Variants in PAPPA2 observed in about 807,000 individuals in gnomAD.
PAPPA2 encodes the protein pappalysin 2, also known as pappalysin-2.
Under a neutral mutation model 176.4 loss-of-function variants are expected in PAPPA2, and 86 were observed. The ratio of observed to expected loss-of-function variants is 0.49; its 90% CI spans 0.41 to 0.58. The LOEUF (loss-of-function observed/expected upper bound fraction) is 0.58. PAPPA2 is among the 20% of genes least tolerant of loss of function. The pLI, the probability that PAPPA2 is intolerant of heterozygous loss-of-function variation, is 0.00. For synonymous variants in PAPPA2, 809 were observed against 852.2 expected (o/e 0.95, Z 0.88); for missense variants, 2,073 against 2,256.9 (o/e 0.92, Z 1.65).
chr1:176,635,691 C>CT (rs1212986588), intron 3 of PAPPA2, among the ~76,000 whole-genome samples: 25 of 152,008 alleles, frequency 1.6e-4, no homozygotes, highest in Non-Finnish European at 3.4e-4. Context: ...TGGATTTGTT[C>CT]TTCTTTTATT....
intron 4 of PAPPA2, among the ~76,000 whole-genome samples, chr1:176,680,732 AG>A (rs1345619350): frequency 6.6e-6 from 1 of 152,220 alleles, no homozygotes; most frequent in Non-Finnish European, 1.5e-5. Flanking sequence ...GTTAATCACT[AG>A]TAAAAACAAA....
intron 1 of PAPPA2, among the ~76,000 whole-genome samples, chr1:176,492,037 T>G (rs1020520371): frequency 6.6e-6 from 1 of 152,210 alleles, no homozygotes; most frequent in Non-Finnish European, 1.5e-5. Context: ...ACATCAAGCA[T>G]GGAATCCTGT....
intron 1 of PAPPA2, among the ~76,000 whole-genome samples, chr1:176,476,181 C>G (rs1652114000): frequency 6.6e-6 from 1 of 152,124 alleles, no homozygotes; most frequent in Non-Finnish European, 1.5e-5. Flanking sequence ...CAAGAAAGCC[C>G]CTGTCTCTCT....
At chr1:176,572,360 C>T (rs1189582330) in intron 2 of PAPPA2, among the ~76,000 whole-genome samples, 2 of 152,190 alleles carry the variant, frequency 1.3e-5, no homozygotes, top group African/African-American at 4.8e-5. Context: ...GAGGTTGACC[C>T]AGAGGTCAGC....
At chr1:176,631,101 G>C (rs1283439312) in intron 3 of PAPPA2, among the ~76,000 whole-genome samples, 2 of 152,294 alleles carry the variant, frequency 1.3e-5, no homozygotes, top group Non-Finnish European at 2.9e-5. Flanking sequence ...GTGGAAGAAA[G>C]CTGGGAGGCT....
intron 14 of PAPPA2, among the ~76,000 whole-genome samples, chr1:176,757,227 TG>T (rs1165286965): frequency 1.3e-5 from 2 of 152,208 alleles, no homozygotes; most frequent in Admixed American, 1.3e-4. Context: ...TACTCAGTAG[TG>T]GGATTGCTGG....
At chr1:176,625,279 G>A (rs192966875) in intron 3 of PAPPA2, among the ~76,000 whole-genome samples, 1 of 152,296 alleles carries the variant, frequency 6.6e-6, no homozygotes, top group East Asian at 1.9e-4. Flanking sequence ...GAGAGTGTCA[G>A]AGTCTTCAGC....
At chr1:176,541,695 G>A (rs1171748136) in intron 1 of PAPPA2, among the ~76,000 whole-genome samples, 4 of 152,116 alleles carry the variant, frequency 2.6e-5, no homozygotes, top group Admixed American at 6.5e-5. Context: ...ACACTTTAAC[G>A]AGAAGTATTT....
At chr1:176,487,706 G>T (rs1652708551) in intron 1 of PAPPA2, among the ~76,000 whole-genome samples, 1 of 152,014 alleles carries the variant, frequency 6.6e-6, no homozygotes, top group Non-Finnish European at 1.5e-5. Flanking sequence ...ACCTTGTAGG[G>T]GTAGAGGTTG....
At chr1:176,521,114 CAG>C (rs61314398) in intron 1 of PAPPA2, among the ~76,000 whole-genome samples, 54,076 of 147,726 alleles carry the variant, frequency 0.37, 11,094 homozygotes, top group African/African-American at 0.56. Context: ...GAGACAGAGA[CAG>C]AGAGAGAGAG....
At chr1:176,740,397 C>T (rs1049653622) in intron 14 of PAPPA2, among the ~76,000 whole-genome samples, 1 of 152,102 alleles carries the variant, frequency 6.6e-6, no homozygotes, top group African/African-American at 2.4e-5. Context: ...TTCTTCTTTC[C>T]TTAGCTGACC....
chr1:176,610,162 C>T (rs959502391), intron 3 of PAPPA2, among the ~76,000 whole-genome samples: 9 of 152,040 alleles, frequency 5.9e-5, no homozygotes, highest in Non-Finnish European at 1.2e-4. Context: ...CTCTACTGTA[C>T]TCTGCTTTCA....
At chr1:176,778,699 C>T (rs1664570768) in intron 17 of PAPPA2, among the ~76,000 whole-genome samples, 1 of 152,180 alleles carries the variant, frequency 6.6e-6, no homozygotes, top group Non-Finnish European at 1.5e-5. Context: ...CTTATATACA[C>T]ATGTTCTATC....
At chr1:176,467,380 T>C (rs1651673402) in intron 1 of PAPPA2, among the ~76,000 whole-genome samples, 1 of 152,244 alleles carries the variant, frequency 6.6e-6, no homozygotes, top group African/African-American at 2.4e-5. Context: ...TGAGTTTTTA[T>C]TCTCATTGTT....
chr1:176,825,751 C>G (rs1358811451), intron 21 of PAPPA2, among the ~76,000 whole-genome samples: 2 of 152,110 alleles, frequency 1.3e-5, no homozygotes, highest in Non-Finnish European at 2.9e-5. Context: ...TATTATATCC[C>G]CATAGTTGAG....
chr1:176,669,758 G>A (rs556419564), intron 3 of PAPPA2, among the ~76,000 whole-genome samples: 1 of 151,976 alleles, frequency 6.6e-6, no homozygotes, highest in East Asian at 1.9e-4. Context: ...CTTTGGGATC[G>A]CCCTTTCTCA....
At chr1:176,657,357 A>G (rs564154472) in intron 3 of PAPPA2, among the ~76,000 whole-genome samples, 1 of 151,970 alleles carries the variant, frequency 6.6e-6, no homozygotes, top group Non-Finnish European at 1.5e-5. Context: ...TTGATGCTAG[A>G]GAGGTTACTA....
At chr1:176,595,752 TTC>T (rs1267197898) in intron 3 of PAPPA2, among the ~76,000 whole-genome samples, 157 bp downstream of exon 3, 1 of 152,238 alleles carries the variant, frequency 6.6e-6, no homozygotes, top group East Asian at 1.9e-4. Flanking sequence ...GTGCTAGGTG[TTC>T]TGTTAGGTAA....
chr1:176,615,934 T>G (rs1462324606), intron 3 of PAPPA2, among the ~76,000 whole-genome samples: 1 of 152,218 alleles, frequency 6.6e-6, no homozygotes, highest in East Asian at 1.9e-4. Flanking sequence ...TTCCTAAATT[T>G]CTTATGTATC....
Sources: allele counts gnomAD v4.1 joint callset (sites outside exome capture counted in the v4.1 genomes callset), GRCh38; gene constraint gnomAD v4.1.1; transcripts MANE v1.5; gene names NCBI Gene and HGNC (gene_info 2026-07-23, HGNC 2026-07-21).